Variants in CAP2 observed in about 807,000 individuals in gnomAD.
CAP2 encodes the protein cyclase associated actin cytoskeleton regulatory protein 2.
In CAP2, 24 loss-of-function variants were observed where a neutral mutation model predicts 57.7. That is an observed-to-expected ratio of 0.42 (90% CI 0.30 to 0.58). CAP2 has a LOEUF of 0.58. CAP2 is among the 20% of genes least tolerant of loss of function. The pLI is 0.22. For synonymous variants in CAP2, 194 were observed against 207.2 expected (o/e 0.94, Z 0.55); for missense variants, 501 against 590.3 (o/e 0.85, Z 1.57).
intron 1 of CAP2, among the ~76,000 whole-genome samples, chr6:17,417,355 A>C (rs1386800647): frequency 6.8e-6 from 1 of 146,838 alleles, no homozygotes; most frequent in Non-Finnish European, 1.5e-5. Flanking sequence ...GGCTCACTGC[A>C]GCCTCGACCT....
chr6:17,504,177 T>C (rs533838925), intron 4 of CAP2, among the ~76,000 whole-genome samples: 3 of 152,238 alleles, frequency 2.0e-5, no homozygotes, highest in Admixed American at 6.5e-5. Context: ...AACTGGCAGA[T>C]ACCTTGGAGA....
intron 7 of CAP2, among the ~76,000 whole-genome samples, chr6:17,529,186 A>G (rs555243845): frequency 3.3e-5 from 5 of 152,350 alleles, no homozygotes; most frequent in African/African-American, 1.2e-4. Flanking sequence ...TTTTTACTTG[A>G]CTATAGTTGT....
chr6:17,499,272 G>A (rs961563425), intron 4 of CAP2, among the ~76,000 whole-genome samples: 1 of 151,480 alleles, frequency 6.6e-6, no homozygotes, highest in Non-Finnish European at 1.5e-5. Flanking sequence ...GGTGGCACAC[G>A]CCTGTAATCC....
At chr6:17,432,966 C>G (rs1163511759) in intron 3 of CAP2, among the ~76,000 whole-genome samples, 1 of 145,428 alleles carries the variant, frequency 6.9e-6, no homozygotes, top group Non-Finnish European at 1.5e-5. Flanking sequence ...CCTCTCTCCC[C>G]CCTCCCTCCC....
chr6:17,557,098 C>T lies in CAP2; in HGVS notation c.*656C>T, dbSNP rs1287698400. ...ATTATTCATCTTACATATTTTTCCACCATGTCATTTGAAAACTTGCTTTTC... is the reference window on the plus strand; with the variant it reads ...ATTATTCATCTTACATATTTTTCCATCATGTCATTTGAAAACTTGCTTTTC... On this transcript the variant is annotated 3_prime_UTR_variant, in exon 13 of 13. Coordinates refer to ENST00000229922, the MANE Select transcript of CAP2 (RefSeq NM_006366.3). 6.6e-6 allele frequency: 1 copy of T among 152,180 alleles called. No individual in the cohort carries two copies. Among genetic ancestry groups the T allele is most frequent in the African/African-American group, 2.4e-5 (1 of 41,442 alleles). The allele number at this position is 152,180 out of a possible 1,614,324, so 9.4% of individuals were successfully genotyped here. A position where few individuals can be genotyped will look rare whatever the true frequency, so the allele number is the denominator to read the frequency against.
At chr6:17,496,027 T>TGCCG (rs1554127013) in intron 4 of CAP2, among the ~76,000 whole-genome samples, 1 of 44,314 alleles carries the variant, frequency 2.3e-5, no homozygotes, top group Non-Finnish European at 3.8e-5. Context: ...CGTGTGTGGG[T>TGCCG]GGGGGGGGGG....
chr6:17,476,864 CTTTTTTT>C (rs67003718), intron 4 of CAP2, among the ~76,000 whole-genome samples: 3 of 72,452 alleles, frequency 4.1e-5, no homozygotes, highest in East Asian at 4.8e-4. Context: ...TTTCTTACTT[CTTTTTTT>C]TTTTTTTTTT....
rs1763320064 is a variant in CAP2, at chr6:17,556,538, G to C, written c.*96G>C. On this transcript the variant is annotated 3_prime_UTR_variant, in exon 13 of 13. Transcript: ENST00000229922. The stretch of plus-strand genomic sequence containing the variant: ...GCTAGAAGTTGCAGTAGCCCCTACT[G>C]CTTTAGCTTTGGCCTCCAACGATTC... The C allele has an allele frequency of 3.5e-6, 3 of 853,748 alleles. No homozygotes were observed. In the East Asian group the frequency reaches 7.3e-5, roughly 21 times the overall value. The allele number at this position is 853,748 out of a possible 1,614,324, so 52.9% of individuals were successfully genotyped here.
intron 3 of CAP2, among the ~76,000 whole-genome samples, chr6:17,447,682 G>A (rs756074987): frequency 9.9e-5 from 15 of 152,226 alleles, no homozygotes; most frequent in Admixed American, 2.6e-4. Context: ...TATTTTTGAA[G>A]AGACTGGGTT....
At chr6:17,549,208 A>G (rs1013727071) in intron 11 of CAP2, among the ~76,000 whole-genome samples, 1 of 152,228 alleles carries the variant, frequency 6.6e-6, no homozygotes, top group African/African-American at 2.4e-5. Context: ...TCACGCCTGT[A>G]ATCCCAGAAC....
At chr6:17,498,767 C>A (rs1015521530) in intron 4 of CAP2, among the ~76,000 whole-genome samples, 2 of 151,944 alleles carry the variant, frequency 1.3e-5, no homozygotes, top group African/African-American at 4.8e-5. Context: ...CTTGCTCTGT[C>A]GCCCAGGCTG....
At chr6:17,431,290 CT>C (rs1402185032) in intron 3 of CAP2, among the ~76,000 whole-genome samples, 1 of 151,980 alleles carries the variant, frequency 6.6e-6, no homozygotes, top group East Asian at 1.9e-4. Context: ...ATGTGTACCC[CT>C]GAACCTAAAC....
At chr6:17,473,084 G>A (rs1761063420) in intron 4 of CAP2, among the ~76,000 whole-genome samples, 1 of 149,858 alleles carries the variant, frequency 6.7e-6, no homozygotes, top group Non-Finnish European at 1.5e-5. Flanking sequence ...ATCTCTCTTT[G>A]TATAAGACAT....
chr6:17,416,875 T>C (rs987494196), intron 1 of CAP2, among the ~76,000 whole-genome samples: 10 of 152,178 alleles, frequency 6.6e-5, no homozygotes, highest in Non-Finnish European at 1.2e-4. Flanking sequence ...GGAGAATTGC[T>C]TGAGCCCAAG....
chr6:17,543,012 G>C, intron 10 of CAP2, 49 bp from the exon 11 acceptor site: 1 of 1,612,124 alleles, frequency 6.2e-7, no homozygotes, highest in African/African-American at 1.3e-5. Context: ...TAAACAAGCT[G>C]TATGTATTTA....
At chr6:17,543,287 C>T in intron 11 of CAP2, 144 bp downstream of exon 11, 1 of 696,874 alleles carries the variant, frequency 1.4e-6, no homozygotes, top group East Asian at 2.7e-5. Flanking sequence ...ACACTGTAAG[C>T]TGCGGCCTTG....
At chr6:17,474,215 T>C (rs1761093184) in intron 4 of CAP2, among the ~76,000 whole-genome samples, 1 of 145,058 alleles carries the variant, frequency 6.9e-6, no homozygotes, top group African/African-American at 2.6e-5. Flanking sequence ...TTTTTTGTTC[T>C]ATTCTCCAAA....
intron 7 of CAP2, among the ~76,000 whole-genome samples, chr6:17,535,381 T>C (rs1312753149): frequency 6.6e-6 from 1 of 151,862 alleles, no homozygotes. Flanking sequence ...TTCAAGCGAT[T>C]CTCCTGCCTC....
At chr6:17,461,890 G>C (rs1197007459) in intron 3 of CAP2, among the ~76,000 whole-genome samples, 1 of 149,506 alleles carries the variant, frequency 6.7e-6, no homozygotes, top group Admixed American at 6.7e-5. Flanking sequence ...CTACTCGGGG[G>C]GCTGAGGCAG....
Sources: allele counts gnomAD v4.1 joint callset (sites outside exome capture counted in the v4.1 genomes callset), GRCh38; gene constraint gnomAD v4.1.1; transcripts MANE v1.5; gene names NCBI Gene and HGNC (gene_info 2026-07-23, HGNC 2026-07-21).